The following PRRC1 variants were observed in gnomAD, a reference collection of about 807,000 sequenced individuals.
PRRC1 encodes proline rich coiled-coil 1.
A neutral mutation model predicts 40.7 loss-of-function variants in PRRC1; 39 were observed. The ratio of observed to expected loss-of-function variants is 0.96; its 90% CI spans 0.74 to 1.25. The LOEUF is 1.25. PRRC1 is among the 50% of genes most tolerant of loss of function. The pLI, the probability that PRRC1 is intolerant of heterozygous loss-of-function variation, is 0.00. For synonymous variants in PRRC1, 175 were observed against 193.3 expected, an observed-to-expected ratio of 0.91 and a Z score of 0.79; for missense variants, 573 against 548.3, an observed-to-expected ratio of 1.05 and a Z score of -0.45.
At position 127,551,710 on chromosome 5, in the gene PRRC1, C is replaced by A; in HGVS notation, c.1132C>A (p.Gln378Lys). 6.2e-7 allele frequency: 1 copy of A among 1,614,000 alleles called. No homozygotes were observed. The highest frequency in any genetic ancestry group is 8.5e-7 in the Non-Finnish European group (1 of 1,179,928). The change falls in exon 9 of 9, where the codon CAA (glutamine) becomes AAA (lysine). Residue 378 changes from glutamine (Q) to lysine (K), a missense_variant. Physicochemically the swap from Gln to Lys is moderately conservative, Grantham distance 53. Transcript: ENST00000296666. ...TATCAATTTCATCTTTCCACAGGCT[C>A]AAAGTCTAACTCCCCAGGACTATAA... ...PVPLEFVQQA[Q>K]SLTPQDYNLR...
At chr5:127,543,048 C>G (rs114791199) in intron 7 of PRRC1, among the ~76,000 whole-genome samples, 41,163 of 140,736 alleles carry the variant, frequency 0.29, 6,470 homozygotes, top group East Asian at 0.51. Flanking sequence ...CTTCCTTCAG[C>G]AGCTTTTAGG....
intron 3 of PRRC1, among the ~76,000 whole-genome samples, chr5:127,526,055 G>C (rs1482406879): frequency 6.6e-6 from 1 of 152,124 alleles, no homozygotes; most frequent in African/African-American, 2.4e-5. Flanking sequence ...TGTTGCAAAT[G>C]AGTTATCAAA....
intron 1 of PRRC1, among the ~76,000 whole-genome samples, chr5:127,519,731 A>G (rs964409047): frequency 2.0e-5 from 3 of 152,256 alleles, no homozygotes; most frequent in African/African-American, 7.2e-5. Context: ...ATGACGTTAG[A>G]CTATCAGTAC....
chr5:127,534,782 T>A (rs1048121930), intron 6 of PRRC1, among the ~76,000 whole-genome samples: 37 of 152,334 alleles, frequency 2.4e-4, no homozygotes, highest in African/African-American at 8.9e-4. Context: ...TTGATTTATA[T>A]ATAAGTTGCC....
chr5:127,525,400 A>G (rs1681657628), intron 3 of PRRC1, among the ~76,000 whole-genome samples: 1 of 152,214 alleles, frequency 6.6e-6, no homozygotes, highest in South Asian at 2.1e-4. Context: ...GAATATGTAT[A>G]CCACATTTCA....
chr5:127,545,348 T>A (rs1311879886), intron 7 of PRRC1, among the ~76,000 whole-genome samples: 2 of 152,036 alleles, frequency 1.3e-5, no homozygotes, highest in Non-Finnish European at 2.9e-5. Context: ...ATATGTTTAT[T>A]GCGGCACTAT....
intron 1 of PRRC1, among the ~76,000 whole-genome samples, chr5:127,522,479 C>T (rs550984085): frequency 2.7e-4 from 41 of 152,302 alleles, no homozygotes; most frequent in Middle Eastern, 3.4e-3. Flanking sequence ...CAGCCTCAAC[C>T]TCCTGGGATC....
In PRRC1 at chr5:127,553,335, TAAA is replaced by T; in HGVS notation, c.*1420_*1422del. ...AAGAATGAATATTAAATTTGAATATTAAATATATGTTACTTTCCAAGCACTGTA... is the reference window on the plus strand; with the variant it reads ...AAGAATGAATATTAAATTTGAATATTTATATGTTACTTTCCAAGCACTGTA... On this transcript the variant is annotated 3_prime_UTR_variant, in exon 9 of 9. Transcript: ENST00000296666. 1 of 983,758 alleles carries T rather than the reference TAAA, an allele frequency of 1.0e-6. No homozygotes were observed. The highest frequency in any genetic ancestry group is 1.2e-6 in the Non-Finnish European group (1 of 828,238). The allele number at this position is 983,758 out of a possible 1,614,324, so 60.9% of individuals were successfully genotyped here.
chr5:127,542,909 C>T (rs1204259728), intron 7 of PRRC1, among the ~76,000 whole-genome samples: 1 of 152,046 alleles, frequency 6.6e-6, no homozygotes, highest in Non-Finnish European at 1.5e-5. Flanking sequence ...GAATTTGATC[C>T]CATCATTATG....
intron 7 of PRRC1, among the ~76,000 whole-genome samples, chr5:127,544,929 C>G (rs1483533366): frequency 3.9e-5 from 6 of 152,346 alleles, no homozygotes; most frequent in African/African-American, 1.4e-4. Context: ...TGAGATGAAC[C>G]TGGTACCTCA....
intron 8 of PRRC1, chr5:127,551,386 A>G (rs759381304): frequency 3.9e-6 from 1 of 256,798 alleles, no homozygotes; most frequent in Non-Finnish European, 7.6e-6. Flanking sequence ...TTTTACTACT[A>G]TAAAAGATAA....
chr5:127,533,560 G>A (rs1022622831), intron 5 of PRRC1, 63 bp from the exon 6 acceptor site: 11 of 1,350,654 alleles, frequency 8.1e-6, no homozygotes, highest in Non-Finnish European at 1.0e-5. Flanking sequence ...ACCTGGTATG[G>A]TAGTAATTAT....
chr5:127,524,787 T>A lies in PRRC1; in HGVS notation c.360T>A (p.Leu120=), dbSNP rs1166483249. ...CTTCAACTTCTGCCCCAAACACTCTTTTACCTGCACCCCCTTCGGGTCCTC... is the reference window on the plus strand; with the variant it reads ...CTTCAACTTCTGCCCCAAACACTCTATTACCTGCACCCCCTTCGGGTCCTC... ...FPPSTSAPNT[L]LPAPPSGPPI... is the part of the protein sequence containing the mutation. Residue 120 remains leucine (L), a synonymous_variant, in exon 3 of 9, where the codon CTT becomes CTA. Transcript: ENST00000296666. The A allele has an allele frequency of 1.9e-6, 3 of 1,614,078 alleles. No individual in the cohort carries two copies.
intron 7 of PRRC1, among the ~76,000 whole-genome samples, chr5:127,545,702 C>T (rs755950617): frequency 1.2e-3 from 177 of 151,470 alleles, no homozygotes; most frequent in Non-Finnish European, 2.3e-3. Flanking sequence ...ATGGGTGCAG[C>T]ACACCAGTAT....
At chr5:127,523,360 T>C in intron 1 of PRRC1, 100 bp from the exon 2 acceptor site, 1 of 546,268 alleles carries the variant, frequency 1.8e-6, no homozygotes, top group Non-Finnish European at 3.2e-6. Flanking sequence ...GGTGGACATC[T>C]ATCTCTTGAT....
At chr5:127,547,751 CT>C in intron 7 of PRRC1, 67 bp from the exon 8 acceptor site, 1 of 1,061,166 alleles carries the variant, frequency 9.4e-7, no homozygotes, top group Non-Finnish European at 1.4e-6. Flanking sequence ...CTTGTTTTTT[CT>C]TTTTGTCTAT....
intron 7 of PRRC1, among the ~76,000 whole-genome samples, chr5:127,546,935 C>T (rs990612213): frequency 6.6e-6 from 1 of 152,012 alleles, no homozygotes; most frequent in African/African-American, 2.4e-5. Context: ...ACACTATAGA[C>T]ATTATAAAGT....
intron 1 of PRRC1, among the ~76,000 whole-genome samples, chr5:127,521,330 C>T (rs1767452378): frequency 6.6e-6 from 1 of 152,168 alleles, no homozygotes; most frequent in Non-Finnish European, 1.5e-5. Context: ...ATCACCTGTT[C>T]TGTAACCGTC....
chr5:127,545,974 CT>C (rs145301626), intron 7 of PRRC1, among the ~76,000 whole-genome samples: 3,914 of 152,022 alleles, frequency 0.026, 163 homozygotes, highest in African/African-American at 0.089. Flanking sequence ...CTTCTTGATT[CT>C]GTGGATTAAT....
Sources: gnomAD v4.1 joint callset for allele counts (sites outside exome capture counted in the v4.1 genomes callset) on GRCh38, gnomAD v4.1.1 for gene constraint, MANE v1.5 for transcripts, NCBI Gene and HGNC (gene_info 2026-07-23, HGNC 2026-07-21) for gene names.